Variants in FBXO7 observed in about 807,000 individuals in gnomAD.
The protein encoded by FBXO7 is F-box protein 7.
Under a neutral mutation model 50.2 loss-of-function variants are expected in FBXO7, and 31 were observed. The ratio of observed to expected loss-of-function variants is 0.62; its 90% confidence interval spans 0.46 to 0.83. The LOEUF (loss-of-function observed/expected upper bound fraction) is 0.83. Ranked by LOEUF, FBXO7 falls within the 40% of genes least tolerant of loss-of-function variation. The pLI is 0.00. For missense variants in FBXO7, 667 were observed against 646.6 expected, an observed-to-expected ratio of 1.03 and a Z score of -0.34; for synonymous variants, 256 against 253.1, an observed-to-expected ratio of 1.01 and a Z score of -0.11.
chr22:32,496,050 A>G (rs758805950), intron 8 of FBXO7, among the ~76,000 whole-genome samples: 5 of 152,190 alleles, frequency 3.3e-5, no homozygotes, highest in Non-Finnish European at 5.9e-5. Flanking sequence ...GACGCCATCT[A>G]TTTCATAGCT....
chr22:32,495,189 G>T (rs184573986), intron 7 of FBXO7, among the ~76,000 whole-genome samples: 42 of 152,322 alleles, frequency 2.8e-4, no homozygotes, highest in African/African-American at 9.6e-4. Flanking sequence ...AAGAGGTAGT[G>T]TAGGACCAGT....
chr22:32,491,500 C>T, intron 6 of FBXO7: 1 of 289,112 alleles, frequency 3.5e-6, no homozygotes. Flanking sequence ...AGCATGAGGT[C>T]AGGTACATAA....
chr22:32,494,663 G>C (rs2057561047), intron 7 of FBXO7, among the ~76,000 whole-genome samples: 1 of 152,086 alleles, frequency 6.6e-6, no homozygotes, highest in Admixed American at 6.6e-5. Context: ...AGCAGAGTAT[G>C]ATATAAATAC....
chr22:32,475,278 C>G, intron 1 of FBXO7, 154 bp downstream of exon 1: 2 of 1,586,276 alleles, frequency 1.3e-6, no homozygotes, highest in Admixed American at 1.8e-5. Flanking sequence ...ACGGGAGGCC[C>G]GGGCTCTTCC....
rs1418527351 is a variant in FBXO7 at position 32,495,521 on chromosome 22, T to G, written c.1173T>G (p.Asp391Glu). ...RDNTVRVQDT[D>E]WKELYRKRHI... is the part of the protein sequence containing the mutation. ...ATACTGTCAGAGTTCAAGACACAGA[T>G]TGGAAAGAAGTAGGTATTTTTAAAT... Residue 391 changes from aspartate (D) to glutamate (E), a missense_variant, in exon 8 of 9, where the codon GAT becomes GAG. Transcript: ENST00000266087. 1.9e-6 allele frequency: 3 copies of G among 1,565,254 alleles called. No individual in the cohort carries two copies. In the African/African-American group the frequency reaches 4.1e-5, roughly 21 times the overall value.
chr22:32,487,533 A>G lies in FBXO7; in HGVS notation c.788-212A>G. 5 of 485,514 alleles carry G rather than the reference A, an allele frequency of 1.0e-5. No individual in the cohort carries two copies. The South Asian group carries it at 1.2e-4, about 11-fold the overall frequency. 30.1% of individuals were successfully genotyped at this position (485,514 alleles called of 1,614,324 possible). Reference sequence around the variant, plus strand: ...ATAAAGATGCTTACTGTAGTTTTTAAAGGTGGTGTTGTAGAGTGATTTTAC... The same window carrying G: ...ATAAAGATGCTTACTGTAGTTTTTAGAGGTGGTGTTGTAGAGTGATTTTAC... On this transcript the variant is annotated intron_variant, in intron 4 of 8. Coordinates refer to ENST00000266087, the MANE Select transcript of FBXO7 (RefSeq NM_012179.4).
chr22:32,480,445 C>T (rs1414508980), intron 2 of FBXO7, among the ~76,000 whole-genome samples: 1 of 151,788 alleles, frequency 6.6e-6, no homozygotes, highest in East Asian at 1.9e-4. Flanking sequence ...CCAGCACATT[C>T]ACCTGCTTGC....
intron 1 of FBXO7, chr22:32,476,065 ACAAAAG>A (rs1348212178): frequency 2.6e-5 from 4 of 152,154 alleles, no homozygotes; most frequent in African/African-American, 9.7e-5. Context: ...ATTCTTCAAA[ACAAAAG>A]CAAACCTTCC....
At chr22:32,491,905 A>G (rs930160977) in intron 6 of FBXO7, 2 of 152,146 alleles carry the variant, frequency 1.3e-5, no homozygotes, top group Non-Finnish European at 2.9e-5. Flanking sequence ...ACTCGTGTAC[A>G]TGTTGTGTGT....
Position 32,475,048 on chromosome 22 carries a change from G to A in FBXO7, c.46G>A (p.Val16Met). The A allele has an allele frequency of 3.2e-6, 5 of 1,544,622 alleles. No individual in the cohort carries two copies. The highest frequency in any genetic ancestry group is 4.4e-6 in the Non-Finnish European group (5 of 1,145,946). ...RLLKRTWPLE[V>M]PETEPTLGHL... ...TCTGAAGCGGACCTGGCCGCTGGAG[G>A]TGCCCGAGACGGAGCCGACGCTGGG... The change falls in exon 1 of 9, where the codon GTG (valine) becomes ATG (methionine). Residue 16 changes from valine to methionine, a missense_variant. Val to Met is a conservative substitution (Grantham distance 21, BLOSUM62 1). Transcript: ENST00000266087.
chr22:32,475,189 G>A (rs1352171608), intron 1 of FBXO7, 65 bp downstream of exon 1: 1 of 1,517,310 alleles, frequency 6.6e-7, no homozygotes, highest in African/African-American at 1.4e-5. Flanking sequence ...GGTGCAGGGC[G>A]GGTTGGCGTC....
At chr22:32,494,068 C>G (rs187332339) in intron 7 of FBXO7, among the ~76,000 whole-genome samples, 207 of 142,102 alleles carry the variant, frequency 1.5e-3, no homozygotes, top group African/African-American at 5.2e-3. Flanking sequence ...CACATACCAC[C>G]TTAGTAACTG....
At chr22:32,491,997 AT>A (rs1479341908) in intron 6 of FBXO7, 1 of 152,156 alleles carries the variant, frequency 6.6e-6, no homozygotes, top group Non-Finnish European at 1.5e-5. Flanking sequence ...CAGTGGCCCA[AT>A]TATGTGTTGG....
intron 5 of FBXO7, chr22:32,489,991 AATG>A (rs1315518999): frequency 2.0e-5 from 3 of 152,266 alleles, no homozygotes; most frequent in African/African-American, 7.2e-5. Flanking sequence ...GATTTTAAAG[AATG>A]ATATCTTGAC....
intron 6 of FBXO7, chr22:32,492,839 G>T: frequency 2.0e-6 from 1 of 490,950 alleles, no homozygotes; most frequent in Non-Finnish European, 3.7e-6. Context: ...AATTATCATA[G>T]TTATTTGATT....
intron 2 of FBXO7, among the ~76,000 whole-genome samples, chr22:32,482,020 T>A (rs1233494758): frequency 6.6e-6 from 1 of 152,162 alleles, no homozygotes. Flanking sequence ...CTCCCTCTCA[T>A]GTACTCAGCC....
chr22:32,492,000 ATG>A (rs1373019488), intron 6 of FBXO7: 1 of 152,158 alleles, frequency 6.6e-6, no homozygotes. Context: ...TGGCCCAATT[ATG>A]TGTTGGTTCA....
intron 7 of FBXO7, among the ~76,000 whole-genome samples, chr22:32,494,107 TA>T (rs130725): frequency 0.37 from 44,436 of 120,438 alleles, 7,801 homozygotes; most frequent in South Asian, 0.5. Flanking sequence ...ATAGCTCCCT[TA>T]AAAAAAAAAA....
chr22:32,491,493 A>C (rs1005247133), intron 6 of FBXO7: 7 of 304,566 alleles, frequency 2.3e-5, no homozygotes, highest in African/African-American at 1.6e-4. Flanking sequence ...GTGGTCTAGC[A>C]TGAGGTCAGG....
Sources: allele counts gnomAD v4.1 joint callset (sites outside exome capture counted in the v4.1 genomes callset), GRCh38; gene constraint gnomAD v4.1.1; transcripts MANE v1.5; gene names NCBI Gene and HGNC (gene_info 2026-07-23, HGNC 2026-07-21).